The following WWP1 variants were observed in gnomAD, a reference collection of about 807,000 sequenced individuals.
The protein encoded by WWP1 is NEDD4-like E3 ubiquitin-protein ligase WWP1.
Under a neutral mutation model 130.6 loss-of-function variants are expected in WWP1, and 49 were observed. The ratio of observed to expected loss-of-function variants is 0.38; its 90% CI spans 0.30 to 0.48. WWP1 has a LOEUF of 0.48. WWP1 is among the 20% of genes least tolerant of loss of function. The probability of loss-of-function intolerance (pLI) is 0.99; values close to 1 mark genes in which losing one functional copy is unlikely to be tolerated. For missense variants in WWP1, 809 were observed against 1,100.6 expected, an observed-to-expected ratio of 0.74 and a Z score of 3.75; for synonymous variants, 332 against 367.8, an observed-to-expected ratio of 0.90 and a Z score of 1.11.
intron 1 of WWP1, among the ~76,000 whole-genome samples, chr8:86,348,571 A>G (rs1010137381): frequency 1.3e-5 from 2 of 152,170 alleles, no homozygotes; most frequent in Admixed American, 1.3e-4. Flanking sequence ...TGGCGTACCT[A>G]CTATGTGCCA....
intron 3 of WWP1, among the ~76,000 whole-genome samples, chr8:86,379,783 T>C (rs542225793): frequency 8.1e-4 from 124 of 152,228 alleles, no homozygotes; most frequent in Non-Finnish European, 1.3e-3. Context: ...GCCACAGTTA[T>C]GTAATTTCAG....
chr8:86,350,524 C>T (rs992235550), intron 1 of WWP1, among the ~76,000 whole-genome samples: 25 of 151,926 alleles, frequency 1.6e-4, no homozygotes, highest in Admixed American at 1.0e-3. Context: ...TTGGCTGTTG[C>T]GGGGAGGAGT....
chr8:86,406,798 C>G (rs1227358053), intron 8 of WWP1, among the ~76,000 whole-genome samples: 1 of 152,174 alleles, frequency 6.6e-6, no homozygotes, highest in Non-Finnish European at 1.5e-5. Context: ...CATCCACTCT[C>G]AAGTGTGAAC....
intron 5 of WWP1, among the ~76,000 whole-genome samples, chr8:86,392,224 C>A (rs768360687): frequency 5.3e-5 from 8 of 152,290 alleles, no homozygotes; most frequent in Admixed American, 2.0e-4. Flanking sequence ...GAGGCCTAGT[C>A]AAGAAGGTCC....
intron 3 of WWP1, 72 bp from the exon 4 acceptor site, chr8:86,380,654 C>T: frequency 6.9e-7 from 1 of 1,440,238 alleles, no homozygotes; most frequent in Non-Finnish European, 9.2e-7. Flanking sequence ...CAATTCCATT[C>T]TTATTGATTG....
intron 1 of WWP1, among the ~76,000 whole-genome samples, chr8:86,346,693 T>G (rs1401394672): frequency 6.6e-6 from 1 of 152,236 alleles, no homozygotes; most frequent in Non-Finnish European, 1.5e-5. Context: ...ATTTCATAAT[T>G]ATTAGAAAGA....
chr8:86,413,089 G>T (rs866758099), intron 9 of WWP1, among the ~76,000 whole-genome samples: 2 of 152,146 alleles, frequency 1.3e-5, no homozygotes, highest in African/African-American at 2.4e-5. Flanking sequence ...GCTTCCCAAA[G>T]TGCTGGGATT....
At chr8:86,461,642 G>A in intron 23 of WWP1, 132 bp from the exon 24 acceptor site, 1 of 740,098 alleles carries the variant, frequency 1.4e-6, no homozygotes, top group Non-Finnish European at 2.3e-6. Context: ...TCAGGCAGAA[G>A]CAGCTTACAT....
At chr8:86,417,562 C>G (rs1445982562) in intron 9 of WWP1, among the ~76,000 whole-genome samples, 1 of 152,166 alleles carries the variant, frequency 6.6e-6, no homozygotes, top group East Asian at 1.9e-4. Context: ...CAGTGACTAG[C>G]ATTGTGCTTG....
At chr8:86,400,196 G>A (rs770897083) in intron 7 of WWP1, among the ~76,000 whole-genome samples, 2 of 152,054 alleles carry the variant, frequency 1.3e-5, no homozygotes, top group Non-Finnish European at 2.9e-5. Flanking sequence ...GCCAGGCATG[G>A]TGGTGCGCAC....
chr8:86,360,803 A>G (rs1823549626), intron 1 of WWP1, among the ~76,000 whole-genome samples: 1 of 152,220 alleles, frequency 6.6e-6, no homozygotes, highest in Admixed American at 6.5e-5. Context: ...ATTGAGAATT[A>G]CTAGGACAGA....
chr8:86,415,660 A>C (rs1254263226), intron 9 of WWP1, among the ~76,000 whole-genome samples: 1 of 152,184 alleles, frequency 6.6e-6, no homozygotes, highest in Non-Finnish European at 1.5e-5. Context: ...CACCCTAGAA[A>C]GTTGTGATTC....
chr8:86,434,233 C>A (rs1362415776), intron 14 of WWP1, among the ~76,000 whole-genome samples: 1 of 152,204 alleles, frequency 6.6e-6, no homozygotes, highest in African/African-American at 2.4e-5. Context: ...TGGTTTCCAT[C>A]TCAATAAGAG....
At chr8:86,417,690 G>A (rs1208892303) in intron 9 of WWP1, among the ~76,000 whole-genome samples, 2 of 152,098 alleles carry the variant, frequency 1.3e-5, no homozygotes, top group Non-Finnish European at 2.9e-5. Flanking sequence ...GCTTGGTTGT[G>A]TTTATTTTTT....
chr8:86,420,404 G>A (rs1385657344), intron 9 of WWP1, among the ~76,000 whole-genome samples: 2 of 152,124 alleles, frequency 1.3e-5, no homozygotes, highest in South Asian at 4.1e-4. Flanking sequence ...AGAAATTGGG[G>A]TATGTTCCAT....
At chr8:86,452,101 G>A (rs1277555684) in intron 20 of WWP1, among the ~76,000 whole-genome samples, 1 of 152,054 alleles carries the variant, frequency 6.6e-6, no homozygotes, top group East Asian at 1.9e-4. Context: ...TTGCCTTGCT[G>A]GTGTGGAAGG....
At chr8:86,396,039 G>T (rs988245103) in intron 5 of WWP1, among the ~76,000 whole-genome samples, 4 of 152,026 alleles carry the variant, frequency 2.6e-5, no homozygotes, top group Non-Finnish European at 5.9e-5. Context: ...TTGAATGTCA[G>T]TCAATATAGT....
At chr8:86,435,578 A>G in intron 15 of WWP1, 51 bp downstream of exon 15, 1 of 1,612,212 alleles carries the variant, frequency 6.2e-7, no homozygotes, top group Non-Finnish European at 8.5e-7. Context: ...TCTTCTCTTT[A>G]TACAATACAT....
chr8:86,350,617 T>C (rs1051247991), intron 1 of WWP1, among the ~76,000 whole-genome samples: 5 of 152,226 alleles, frequency 3.3e-5, no homozygotes, highest in African/African-American at 1.2e-4. Context: ...TAGAGTTACA[T>C]GAAGGTGCTT....
Sources: allele counts gnomAD v4.1 joint callset (sites outside exome capture counted in the v4.1 genomes callset), GRCh38; gene constraint gnomAD v4.1.1; transcripts MANE v1.5; gene names NCBI Gene and HGNC (gene_info 2026-07-23, HGNC 2026-07-21).